The following VGLL2 variants were observed in gnomAD, a reference collection of about 807,000 sequenced individuals.
The protein encoded by VGLL2 is transcription cofactor vestigial-like protein 2.
A neutral mutation model predicts 27.0 loss-of-function variants in VGLL2; 18 were observed. That is an observed-to-expected ratio of 0.67 (90% CI 0.46 to 0.99). The LOEUF (loss-of-function observed/expected upper bound fraction) is 0.99. Ranked by LOEUF, VGLL2 falls within the 50% of genes least tolerant of loss-of-function variation. The pLI, the probability that VGLL2 is intolerant of heterozygous loss-of-function variation, is 0.00. For synonymous variants in VGLL2, 220 were observed against 201.1 expected, an observed-to-expected ratio of 1.09 and a Z score of -0.80; for missense variants, 491 against 452.3, an observed-to-expected ratio of 1.09 and a Z score of -0.78.
chr6:117,270,484 C>T, intron 2 of VGLL2, 59 bp from the exon 3 acceptor site: 3 of 1,506,678 alleles, frequency 2.0e-6, no homozygotes, highest in Non-Finnish European at 2.7e-6. Context: ...CTGAGTCCAG[C>T]CGCAGTGACA....
chr6:117,271,820 GTAAA>G (rs1773207116), intron 3 of VGLL2, among the ~76,000 whole-genome samples: 2 of 152,134 alleles, frequency 1.3e-5, no homozygotes, highest in Non-Finnish European at 2.9e-5. Context: ...TCTTAAAAAT[GTAAA>G]TCTTAAAGAA....
At chr6:117,268,054 C>A in intron 1 of VGLL2, 128 bp from the exon 2 acceptor site, 1 of 1,001,974 alleles carries the variant, frequency 1.0e-6, no homozygotes, top group Non-Finnish European at 1.5e-6. Flanking sequence ...ATGCTAACAG[C>A]ACAAGGCTTA....
At chr6:117,270,029 G>A (rs1006277182) in intron 2 of VGLL2, among the ~76,000 whole-genome samples, 1 of 152,068 alleles carries the variant, frequency 6.6e-6, no homozygotes, top group South Asian at 2.1e-4. Flanking sequence ...GGTGGTGGGG[G>A]GCACATTTTC....
Position 117,268,401 on chromosome 6 carries a change from G to A in VGLL2, c.301G>A (p.Glu101Lys), listed in dbSNP as rs368422922. 5.1e-5 allele frequency: 82 copies of A among 1,613,916 alleles called. No homozygotes were observed. The highest frequency in any genetic ancestry group is 6.4e-5 in the Non-Finnish European group (76 of 1,180,016). ...GGGGGACATCAGCTCCGTGGTGGAT[G>A]AACATTTCAGCAGGGCCCTGAGCCA... ...FQGDISSVVD[E>K]HFSRALSQPS... The change falls in exon 2 of 4, where the codon GAA becomes AAA. Residue 101 changes from glutamate (E) to lysine (K), a missense_variant. By Grantham distance (56) the Glu-to-Lys change is moderately conservative. Coordinates refer to ENST00000326274, the MANE Select transcript of VGLL2 (RefSeq NM_182645.3).
chr6:117,269,646 A>G (rs1773140211), intron 2 of VGLL2, among the ~76,000 whole-genome samples: 1 of 152,234 alleles, frequency 6.6e-6, no homozygotes, highest in Non-Finnish European at 1.5e-5. Context: ...GAGGTGTTCC[A>G]TAAAGGTTCC....
chr6:117,272,317 C>G (rs1360163124), intron 3 of VGLL2, 137 bp from the exon 4 acceptor site: 1 of 1,520,806 alleles, frequency 6.6e-7, no homozygotes, highest in Non-Finnish European at 8.8e-7. Context: ...AGGTTTGCAG[C>G]CTCAGGACAA....
At position 117,265,788 on chromosome 6, in the gene VGLL2, C is replaced by T. The variant is rs1201375655; in HGVS notation, c.25C>T (p.Gln9Ter). The T allele has an allele frequency of 6.2e-7, 1 of 1,614,158 alleles. No individual in the cohort carries two copies. Among genetic ancestry groups the T allele is most frequent in the Non-Finnish European group, 8.5e-7 (1 of 1,179,994 alleles). The change falls in exon 1 of 4, where the codon CAA (glutamine) becomes TAA (stop). Residue 9 changes from glutamine to a stop codon, truncating the protein, a stop_gained. Transcript: ENST00000326274. LOFTEE classifies it high-confidence loss of function. MSCLDVMY[Q>*]VYGPPQPYFA... Reference sequence around the variant, plus strand: ...CATGAGCTGTCTGGATGTTATGTACCAAGTCTATGGTCCTCCGCAGCCCTA... The same window carrying T: ...CATGAGCTGTCTGGATGTTATGTACTAAGTCTATGGTCCTCCGCAGCCCTA...
chr6:117,270,494 A>T (rs1243435706), intron 2 of VGLL2, 49 bp from the exon 3 acceptor site: 1 of 1,523,948 alleles, frequency 6.6e-7, no homozygotes, highest in South Asian at 1.2e-5. Context: ...CCGCAGTGAC[A>T]CGCACCTCTT....
intron 2 of VGLL2, among the ~76,000 whole-genome samples, chr6:117,270,271 G>A (rs1323808093): frequency 2.6e-5 from 4 of 152,110 alleles, no homozygotes; most frequent in Admixed American, 2.6e-4. Context: ...ACTCGGCTGC[G>A]AAATGGGAGG....
Position 117,265,585 on chromosome 6 carries a change from T to G in VGLL2, c.-179T>G. The G allele has an allele frequency of 5.0e-6, 3 of 602,008 alleles. No homozygotes were observed. Among genetic ancestry groups the G allele is most frequent in the Non-Finnish European group, 9.0e-6 (3 of 334,340 alleles). The allele number at this position is 602,008 out of a possible 1,614,324, so 37.3% of individuals were successfully genotyped here. ...TTCTGCCCTGGAGCGCGGTCGGGAGTAAAATCGCAGGAGTGGGAGGGTAGC... is the reference window on the plus strand; with the variant it reads ...TTCTGCCCTGGAGCGCGGTCGGGAGGAAAATCGCAGGAGTGGGAGGGTAGC... On this transcript the variant is annotated 5_prime_UTR_variant, in exon 1 of 4. Coordinates refer to ENST00000326274, the MANE Select transcript of VGLL2 (RefSeq NM_182645.3).
At chr6:117,266,405 T>C (rs706950) in intron 1 of VGLL2, among the ~76,000 whole-genome samples, 51,688 of 152,072 alleles carry the variant, frequency 0.34, 10,041 homozygotes, top group African/African-American at 0.54. Flanking sequence ...CACCGCGCAG[T>C]TTTATAATTT....
At position 117,268,441 on chromosome 6, in the gene VGLL2, C is replaced by G; in HGVS notation, c.341C>G (p.Ser114Cys). 1 of 1,614,046 alleles carries G rather than the reference C, an allele frequency of 6.2e-7. No individual in the cohort carries two copies. Among genetic ancestry groups the G allele is most frequent in the Non-Finnish European group, 8.5e-7 (1 of 1,179,962 alleles). ...SRALSQPSSY[S>C]PSCTSSKAPR... ...GCCCTGAGCCAACCCAGCAGCTACT[C>G]TCCTAGCTGTACCAGCAGCAAAGCA... The change falls in exon 2 of 4, where the codon TCT becomes TGT. Residue 114 changes from serine (S) to cysteine (C), a missense_variant. Ser to Cys is a moderately radical substitution (Grantham distance 112). Coordinates refer to ENST00000326274, the MANE Select transcript of VGLL2 (RefSeq NM_182645.3).
chr6:117,269,097 T>TAAAAAGAAC (rs1773127753), intron 2 of VGLL2, among the ~76,000 whole-genome samples: 1 of 152,164 alleles, frequency 6.6e-6, no homozygotes, highest in Non-Finnish European at 1.5e-5. Context: ...CAATAGCAAG[T>TAAAAAGAAC]AAAATAACAA....
Position 117,265,834 on chromosome 6 carries a change from C to G in VGLL2, c.71C>G (p.Pro24Arg), listed in dbSNP as rs766470760. Residue 24 changes from proline (P) to arginine (R), a missense_variant, in exon 1 of 4, where the codon CCC becomes CGC. By Grantham distance (103) the Pro-to-Arg change is moderately radical (BLOSUM62 -2). Coordinates refer to ENST00000326274, the MANE Select transcript of VGLL2 (RefSeq NM_182645.3). The stretch of plus-strand genomic sequence containing the variant: ...CCCTACTTCGCAGCCGCCTACACCC[C>G]CTACCACCAGGTACGTGTCTCCTCT... ...PQPYFAAAYT[P>R]YHQKLAYYSK... is the part of the protein sequence containing the mutation. The G allele has an allele frequency of 9.3e-6, 15 of 1,614,138 alleles. No homozygotes were observed. Among genetic ancestry groups the G allele is most frequent in the African/African-American group, 2.7e-5 (2 of 75,064 alleles).
At chr6:117,272,066 G>T (rs1486699094) in intron 3 of VGLL2, among the ~76,000 whole-genome samples, 1 of 50,956 alleles carries the variant, frequency 2.0e-5, no homozygotes, top group African/African-American at 8.0e-5. Context: ...TCCCCACCCC[G>T]CCCCCAACTT....
Position 117,270,623 on chromosome 6 carries a change from C to T in VGLL2, c.472C>T (p.Leu158=). 1.3e-6 allele frequency: 2 copies of T among 1,591,354 alleles called. No homozygotes were observed. The highest frequency in any genetic ancestry group is 1.7e-6 in the Non-Finnish European group (2 of 1,173,570). ...GTACCAGGCGCCAGTGCCCCCGCCG[C>T]TGGGCAGCCCTCTGGCCACCGCGCA... The part of the protein sequence containing the change: ...SAYQAPVPPP[L]GSPLATAHSE... Residue 158 remains leucine, a synonymous_variant, in exon 3 of 4, where the codon CTG becomes TTG. Transcript: ENST00000326274.
At chr6:117,265,916 A>C in intron 1 of VGLL2, 72 bp downstream of exon 1, 2 of 1,393,376 alleles carry the variant, frequency 1.4e-6, no homozygotes, top group Non-Finnish European at 2.0e-6. Context: ...CCTGTACGCC[A>C]AGGTCTGCTG....
rs569959048 is a variant in VGLL2, at chr6:117,268,218, G to C, written c.118G>C (p.Glu40Gln). 1 of 1,614,164 alleles carries C rather than the reference G, an allele frequency of 6.2e-7. No individual in the cohort carries two copies. Among genetic ancestry groups the C allele is most frequent in the East Asian group, 2.2e-5 (1 of 44,880 alleles). Residue 40 changes from glutamate to glutamine, a missense_variant, in exon 2 of 4, where the codon GAG becomes CAG. By Grantham distance (29) the Glu-to-Gln change is conservative (BLOSUM62 2). Coordinates refer to ENST00000326274, the MANE Select transcript of VGLL2 (RefSeq NM_182645.3). ...AYYSKMQEAQ[E>Q]CNASPSSSGS... is the part of the protein sequence containing the mutation. The stretch of plus-strand genomic sequence containing the variant: ...TTATTCCAAAATGCAGGAAGCGCAG[G>C]AGTGCAATGCCAGCCCCAGCAGCAG...
Position 117,268,347 on chromosome 6 carries a change from T to A in VGLL2, c.247T>A (p.Ser83Thr). The A allele has an allele frequency of 6.2e-7, 1 of 1,614,030 alleles. No individual in the cohort carries two copies. Among genetic ancestry groups the A allele is most frequent in the Non-Finnish European group, 8.5e-7 (1 of 1,180,012 alleles). The change falls in exon 2 of 4, where the codon TCC (serine) becomes ACC (threonine). Residue 83 changes from serine (S) to threonine (T), a missense_variant. Transcript: ENST00000326274. ...CCCACCAGAGGCAGAGTACATCAAC[T>A]CCCGCTGCGTCCTCTTCACTTATTT... Reference protein sequence around the residue: ...ERPPEAEYINSRCVLFTYFQG... With the variant: ...ERPPEAEYINTRCVLFTYFQG...
Sources: gnomAD v4.1 joint callset for allele counts (sites outside exome capture counted in the v4.1 genomes callset) on GRCh38, gnomAD v4.1.1 for gene constraint, MANE v1.5 for transcripts, NCBI Gene and HGNC (gene_info 2026-07-23, HGNC 2026-07-21) for gene names.